Variants in NRG2 observed in about 807,000 individuals in gnomAD.
The protein encoded by NRG2 is pro-neuregulin-2, membrane-bound isoform.
Under a neutral mutation model 73.9 loss-of-function variants are expected in NRG2, and 27 were observed. The observed-to-expected ratio is 0.37, with a 90% CI of 0.27 to 0.50. The LOEUF is 0.50. NRG2 is among the 20% of genes least tolerant of loss of function. The pLI is 0.96. For missense variants in NRG2, 1,126 were observed against 1,210.1 expected (o/e 0.93, Z 1.03); for synonymous variants, 532 against 541.0 (o/e 0.98, Z 0.23).
intron 1 of NRG2, among the ~76,000 whole-genome samples, chr5:139,981,245 C>G (rs1178674544): frequency 6.6e-6 from 1 of 152,172 alleles, no homozygotes; most frequent in East Asian, 1.9e-4. Context: ...GGGTGCTGCT[C>G]CCCTACCACC....
At chr5:139,943,380 C>T (rs1447258928) in intron 1 of NRG2, among the ~76,000 whole-genome samples, 1 of 151,920 alleles carries the variant, frequency 6.6e-6, no homozygotes, top group Non-Finnish European at 1.5e-5. Flanking sequence ...TATCTCCTGA[C>T]CTCATGATCC....
intron 1 of NRG2, among the ~76,000 whole-genome samples, chr5:139,961,963 A>G (rs1755098455): frequency 6.6e-6 from 1 of 152,166 alleles, no homozygotes; most frequent in African/African-American, 2.4e-5. Context: ...CAGCCTCCCA[A>G]GGTGTCTCCT....
chr5:140,035,123 AT>A (rs1761411937), intron 1 of NRG2, among the ~76,000 whole-genome samples: 1 of 151,952 alleles, frequency 6.6e-6, no homozygotes, highest in Admixed American at 6.6e-5. Context: ...TTCCCCTTTC[AT>A]TTTGTTTTTT....
Position 139,865,739 on chromosome 5 carries a change from G to T in NRG2, c.1113-114C>A. The T allele has an allele frequency of 1.3e-6, 1 of 755,464 alleles. No individual in the cohort carries two copies. Among genetic ancestry groups the T allele is most frequent in the Non-Finnish European group, 2.1e-6 (1 of 468,164 alleles). 46.8% of individuals were successfully genotyped at this position (755,464 alleles called of 1,614,324 possible). ...AGAAAAACCAAGTCAGGCACTTGGGGTCATACTTGTAGCTGAAGGGACTGG... is the reference window on the plus strand; with the variant it reads ...AGAAAAACCAAGTCAGGCACTTGGGTTCATACTTGTAGCTGAAGGGACTGG... On this transcript the variant is annotated intron_variant, in intron 4 of 9. Coordinates refer to ENST00000361474, the MANE Select transcript of NRG2 (RefSeq NM_004883.3). The surrounding 1 kb of genome is among the most constrained non-coding windows in gnomAD (Gnocchi z 5.2).
chr5:139,903,541 G>A (rs963480693), intron 1 of NRG2, among the ~76,000 whole-genome samples: 1 of 152,204 alleles, frequency 6.6e-6, no homozygotes, highest in Non-Finnish European at 1.5e-5. Context: ...GCCCCGGGCC[G>A]CCTCTGAGAA....
At position 140,007,890 on chromosome 5, in the gene NRG2, C is replaced by A. The variant is rs539149559; in HGVS notation, c.700+34480G>T. Among the ~76,000 whole-genome samples, 10 of 152,306 alleles carry A rather than the reference C, an allele frequency of 6.6e-5. 1 individual carries two copies. In the South Asian group the frequency reaches 2.1e-3, roughly 32 times the overall value. ...CCTTGTCCCTTAACAGATCAGGAAA[C>A]CAAGTCCCAGGGAAGCCAAGGATCA... On this transcript the variant is annotated intron_variant, in intron 1 of 9. Transcript: ENST00000361474.
At chr5:140,041,666 TAAAA>T (rs762926051) in intron 1 of NRG2, among the ~76,000 whole-genome samples, 1 of 92,000 alleles carries the variant, frequency 1.1e-5, no homozygotes, top group African/African-American at 3.7e-5. Context: ...CAGAAACAGC[TAAAA>T]AAAAAAAAAA....
chr5:139,935,427 A>G (rs1185896181), intron 1 of NRG2, among the ~76,000 whole-genome samples: 1 of 152,232 alleles, frequency 6.6e-6, no homozygotes, highest in Non-Finnish European at 1.5e-5. Context: ...TTTCAAGTGC[A>G]TAGAGAACAT....
intron 1 of NRG2, among the ~76,000 whole-genome samples, chr5:139,893,851 C>T (rs6885414): frequency 0.026 from 4,029 of 152,278 alleles, 175 homozygotes; most frequent in African/African-American, 0.092. Context: ...GGACGGGCTC[C>T]ATAAAACTTT....
intron 3 of NRG2, among the ~76,000 whole-genome samples, chr5:139,879,824 T>C (rs1561649469): frequency 6.6e-6 from 1 of 152,080 alleles, no homozygotes; most frequent in Non-Finnish European, 1.5e-5. Context: ...TCAGACTTAT[T>C]AGACACAGTG....
chr5:139,894,488 A>C lies in NRG2; in HGVS notation c.701-6977T>G, dbSNP rs1045719644. Among the ~76,000 whole-genome samples, 1 of 151,202 alleles carries C rather than the reference A, an allele frequency of 6.6e-6. No homozygotes were observed. The highest frequency in any genetic ancestry group is 1.5e-5 in the Non-Finnish European group (1 of 67,832). On this transcript the variant is annotated intron_variant, in intron 1 of 9. Transcript: ENST00000361474. This position sits in a 1 kb window ranked among gnomAD's most constrained non-coding sequence, Gnocchi z 5.0. ...AAAAAACCCACTAAGCTAAAAACAC[A>C]GCTGGTTTAAGTAGGCACAGACGGC...
intron 1 of NRG2, among the ~76,000 whole-genome samples, chr5:140,000,450 G>C (rs1758354128): frequency 6.6e-6 from 1 of 152,266 alleles, no homozygotes; most frequent in Non-Finnish European, 1.5e-5. Flanking sequence ...CTGCCAAAGA[G>C]GGAGAGGACT....
intron 1 of NRG2, among the ~76,000 whole-genome samples, chr5:139,911,061 G>A (rs953419300): frequency 2.0e-5 from 3 of 151,964 alleles, no homozygotes; most frequent in African/African-American, 7.3e-5. Context: ...GAGAGCAAAC[G>A]AGGGGAGAGG....
chr5:140,042,844 G>A lies in NRG2; in HGVS notation c.226C>T (p.Pro76Ser). The A allele has an allele frequency of 1.3e-6, 2 of 1,491,936 alleles. No homozygotes were observed. The highest frequency in any genetic ancestry group is 2.6e-5 in the South Asian group (2 of 77,770). 92.4% of individuals were successfully genotyped at this position (1,491,936 alleles called of 1,614,324 possible). A position where few individuals can be genotyped will look rare whatever the true frequency, so the allele number is the denominator to read the frequency against. ...CGGGCGGCGGCTCTCCGGGCTGCGGGGCTGCGGGGCTGCGGCTGTTGCTGC... is the reference window on the plus strand; with the variant it reads ...CGGGCGGCGGCTCTCCGGGCTGCGGAGCTGCGGGGCTGCGGCTGTTGCTGC... ...RPQQQPQPRS[P>S]AARRAAARSR... Residue 76 changes from proline (P) to serine (S), a missense_variant, in exon 1 of 10, where the codon CCC becomes TCC. Pro to Ser is a moderately conservative substitution (Grantham distance 74). This residue lies in a region of NRG2 where 185 missense variants were observed against 149.0 expected (regional missense o/e 1.24). Coordinates refer to ENST00000361474, the MANE Select transcript of NRG2 (RefSeq NM_004883.3).
At chr5:139,908,425 G>C (rs973933651) in intron 1 of NRG2, among the ~76,000 whole-genome samples, 1 of 152,164 alleles carries the variant, frequency 6.6e-6, no homozygotes, top group African/African-American at 2.4e-5. Context: ...AGGAGTACCT[G>C]AACCAGCAGT....
intron 2 of NRG2, among the ~76,000 whole-genome samples, chr5:139,885,460 C>T (rs1184396361): frequency 6.6e-6 from 1 of 152,100 alleles, no homozygotes; most frequent in Non-Finnish European, 1.5e-5. Flanking sequence ...AGGGCAGATT[C>T]CAGCAGGTCA....
chr5:139,971,665 C>T (rs1338040543), intron 1 of NRG2, among the ~76,000 whole-genome samples: 4 of 152,206 alleles, frequency 2.6e-5, no homozygotes, highest in African/African-American at 9.6e-5. Context: ...AAATACCATC[C>T]CATTAGTAAT....
chr5:140,043,084 T>TG lies in NRG2; in HGVS notation c.-16dup, dbSNP rs775142449. 1 of 1,571,476 alleles carries TG rather than the reference T, an allele frequency of 6.4e-7. No homozygotes were observed. Among genetic ancestry groups the TG allele is most frequent in the South Asian group, 1.1e-5 (1 of 88,106 alleles). On this transcript the variant is annotated 5_prime_UTR_variant, in exon 1 of 10. Coordinates refer to ENST00000361474, the MANE Select transcript of NRG2 (RefSeq NM_004883.3). The surrounding 1 kb of genome is among the most constrained non-coding windows in gnomAD (Gnocchi z 6.7). ...ACCTGCCGCATCTGGCCAGGCCATT[T>TG]GGGGGGCTCCGCCGCTCAGCCGCCG...
chr5:139,873,833 A>T (rs551724287), intron 3 of NRG2, among the ~76,000 whole-genome samples: 5 of 152,242 alleles, frequency 3.3e-5, no homozygotes, highest in Non-Finnish European at 7.3e-5. Context: ...TGGGCTTCTC[A>T]CATATATGTC....
Sources: gnomAD v4.1 joint callset for allele counts (sites outside exome capture counted in the v4.1 genomes callset) on GRCh38, gnomAD v4.1.1 for gene constraint, gnomAD v4.1.1 regional missense constraint, Gnocchi (gnomAD v3.1) non-coding constraint, MANE v1.5 for transcripts, NCBI Gene and HGNC (gene_info 2026-07-23, HGNC 2026-07-21) for gene names.